The following CSMD3 variants were observed in gnomAD, a reference collection of about 807,000 sequenced individuals.
CSMD3 encodes CUB and sushi domain-containing protein 3.
CSMD3 carries 177 observed loss-of-function variants against 435.2 expected under a neutral mutation model. The observed-to-expected ratio is 0.41, with a 90% CI of 0.36 to 0.46. CSMD3 has a LOEUF of 0.46. CSMD3 is among the 20% of genes least tolerant of loss of function. The pLI is 0.34. For synonymous variants in CSMD3, 1,656 were observed against 1,520.5 expected (o/e 1.09, Z -2.07); for missense variants, 4,265 against 4,504.6 (o/e 0.95, Z 1.52).
intron 38 of CSMD3, among the ~76,000 whole-genome samples, chr8:112,375,784 A>T (rs945401178): frequency 6.6e-6 from 1 of 152,134 alleles, no homozygotes; most frequent in Non-Finnish European, 1.5e-5. Context: ...TTATAATTTA[A>T]TGGTCTGTAT....
At chr8:113,223,622 C>CATATATATATATATATATATAT (rs3048833) in intron 3 of CSMD3, among the ~76,000 whole-genome samples, 1 of 146,106 alleles carries the variant, frequency 6.8e-6, no homozygotes, top group African/African-American at 2.5e-5. Context: ...GTCAAGTATA[C>CATATATATATATATATATATAT]ATATATATAT....
intron 17 of CSMD3, among the ~76,000 whole-genome samples, chr8:112,657,731 C>A (rs1039269158): frequency 2.6e-5 from 4 of 152,120 alleles, no homozygotes; most frequent in Non-Finnish European, 5.9e-5. Flanking sequence ...CTCGAAAATT[C>A]TTTTCCTTGC....
At chr8:112,652,644 A>C (rs2075156316) in intron 18 of CSMD3, among the ~76,000 whole-genome samples, 1 of 152,220 alleles carries the variant, frequency 6.6e-6, no homozygotes, top group Non-Finnish European at 1.5e-5. Flanking sequence ...ATAAGTCTAA[A>C]GAAATAGTTC....
chr8:112,855,986 G>A (rs1428261563), intron 11 of CSMD3, among the ~76,000 whole-genome samples: 1 of 151,390 alleles, frequency 6.6e-6, no homozygotes, highest in Non-Finnish European at 1.5e-5. Context: ...AGTATAAGAG[G>A]GAAATTAATA....
chr8:112,913,019 C>A (rs751842943), intron 10 of CSMD3, among the ~76,000 whole-genome samples: 1 of 151,936 alleles, frequency 6.6e-6, no homozygotes, highest in Admixed American at 6.6e-5. Flanking sequence ...CCTTTGCCCA[C>A]GGGGCTCCCT....
chr8:113,411,719 T>A (rs1026436913), intron 1 of CSMD3, among the ~76,000 whole-genome samples: 1 of 152,098 alleles, frequency 6.6e-6, no homozygotes, highest in African/African-American at 2.4e-5. Flanking sequence ...ATATCCAAAT[T>A]AGCCACATTA....
chr8:113,407,568 ATG>A lies in CSMD3; in HGVS notation c.178+29107_178+29108del, dbSNP rs377056653. Reference sequence around the variant, plus strand: ...TACATACATACACACACACATATATATGTGTGTGTGTGTGTTTGTGTGTGTAT... The same window carrying A: ...TACATACATACACACACACATATATATGTGTGTGTGTGTTTGTGTGTGTAT... On this transcript the variant is annotated intron_variant, in intron 1 of 70. Coordinates refer to ENST00000297405, the MANE Select transcript of CSMD3 (RefSeq NM_198123.2). Among the ~76,000 whole-genome samples the A allele has an allele frequency of 8.9e-4, 135 of 151,088 alleles. 3 individuals are homozygous for A. The East Asian group carries it at 0.021, about 24-fold the overall frequency.
At chr8:112,803,590 G>T (rs1438283225) in intron 12 of CSMD3, among the ~76,000 whole-genome samples, 1 of 152,068 alleles carries the variant, frequency 6.6e-6, no homozygotes, top group African/African-American at 2.4e-5. Context: ...ATGTAGAGTG[G>T]TCTCACTTGC....
In CSMD3 at chr8:112,506,838, TAAAC is replaced by T; in HGVS notation, c.4757-13_4757-10del. 1 of 1,607,842 alleles carries T rather than the reference TAAAC, an allele frequency of 6.2e-7. No homozygotes were observed. Among genetic ancestry groups the T allele is most frequent in the Non-Finnish European group, 8.5e-7 (1 of 1,175,548 alleles). On this transcript the variant is annotated splice_polypyrimidine_tract_variant and intron_variant, in intron 28 of 70. Coordinates refer to ENST00000297405, the MANE Select transcript of CSMD3 (RefSeq NM_198123.2). ...ATTGCCTCCACAGGGTGCTTTAATTTAAACAAACAAATAAAATCTCTTTAAACAT... is the reference window on the plus strand; with the variant it reads ...ATTGCCTCCACAGGGTGCTTTAATTTAAACAAATAAAATCTCTTTAAACAT...
chr8:112,497,692 T>A (rs1262419787), intron 30 of CSMD3, among the ~76,000 whole-genome samples: 2 of 152,012 alleles, frequency 1.3e-5, no homozygotes, highest in Non-Finnish European at 2.9e-5. Flanking sequence ...GGTGTGCATA[T>A]TTTTATATTG....
chr8:112,385,058 C>A (rs905876112), intron 36 of CSMD3, among the ~76,000 whole-genome samples: 4 of 152,126 alleles, frequency 2.6e-5, no homozygotes, highest in Admixed American at 6.5e-5. Context: ...GAGTAATCTT[C>A]TTTAGCTACA....
chr8:112,790,847 T>A (rs1014234886), intron 13 of CSMD3, among the ~76,000 whole-genome samples: 32 of 152,284 alleles, frequency 2.1e-4, no homozygotes, highest in African/African-American at 7.7e-4. Context: ...AAAATAGAAA[T>A]ACCATTGAAA....
intron 35 of CSMD3, among the ~76,000 whole-genome samples, chr8:112,392,351 T>C (rs986766173): frequency 6.6e-6 from 1 of 151,594 alleles, no homozygotes; most frequent in Non-Finnish European, 1.5e-5. Context: ...TGCAAACTTT[T>C]TAAAATAGTG....
At chr8:113,062,062 C>A (rs1174651971) in intron 5 of CSMD3, among the ~76,000 whole-genome samples, 2 of 151,660 alleles carry the variant, frequency 1.3e-5, no homozygotes, top group African/African-American at 4.8e-5. Context: ...TATTACTTTT[C>A]TATTATTTTC....
chr8:112,929,388 T>A lies in CSMD3; in HGVS notation c.1509-7637A>T, dbSNP rs12682066. On this transcript the variant is annotated intron_variant, in intron 9 of 70. Coordinates refer to ENST00000297405, the MANE Select transcript of CSMD3 (RefSeq NM_198123.2). ...AACTTAAAGCATAATAAAAAAAAAA[T>A]TAAAAAAAAAAGATTTCAAGATTTT... Among the ~76,000 whole-genome samples the A allele has an allele frequency of 6.6e-3, 777 of 117,144 alleles. 9 individuals are homozygous for A. Among genetic ancestry groups the A allele is most frequent in the African/African-American group, 0.023 (708 of 31,280 alleles). 76.9% of individuals were successfully genotyped at this position (117,144 alleles called of 152,430 possible).
At chr8:112,490,612 T>C (rs1386572808) in intron 31 of CSMD3, among the ~76,000 whole-genome samples, 2 of 152,152 alleles carry the variant, frequency 1.3e-5, no homozygotes, top group African/African-American at 4.8e-5. Flanking sequence ...TAATAATCTA[T>C]AGTTTTTTGT....
At chr8:112,757,108 T>G (rs572311761) in intron 13 of CSMD3, among the ~76,000 whole-genome samples, 1 of 152,258 alleles carries the variant, frequency 6.6e-6, no homozygotes. Flanking sequence ...AAATATATTT[T>G]ATTTTGACCT....
intron 3 of CSMD3, among the ~76,000 whole-genome samples, chr8:113,240,643 T>C (rs921434783): frequency 6.6e-6 from 1 of 152,180 alleles, no homozygotes; most frequent in Admixed American, 6.6e-5. Flanking sequence ...AAATTGTATG[T>C]CATATGGTTG....
intron 1 of CSMD3, among the ~76,000 whole-genome samples, chr8:113,427,414 T>C (rs551346898): frequency 3.0e-4 from 45 of 151,126 alleles, no homozygotes; most frequent in Admixed American, 5.9e-4. Flanking sequence ...GTCTTAATTC[T>C]GATCAGGATT....
Sources: allele counts gnomAD v4.1 joint callset (sites outside exome capture counted in the v4.1 genomes callset), GRCh38; gene constraint gnomAD v4.1.1; transcripts MANE v1.5; gene names NCBI Gene and HGNC (gene_info 2026-07-23, HGNC 2026-07-21).